Variants in CHRD observed in about 807,000 individuals in gnomAD.
CHRD encodes the protein chordin.
Under a neutral mutation model 113.7 loss-of-function variants are expected in CHRD, and 69 were observed. The observed-to-expected ratio is 0.61, with a 90% CI of 0.50 to 0.74. The LOEUF (loss-of-function observed/expected upper bound fraction) is 0.74. Among genes scored for constraint, CHRD ranks in the 30% least tolerant of loss-of-function variants. The pLI is 0.00. For synonymous variants in CHRD, 561 were observed against 540.8 expected, an observed-to-expected ratio of 1.04 and a Z score of -0.52; for missense variants, 1,194 against 1,295.8, an observed-to-expected ratio of 0.92 and a Z score of 1.21.
chr3:184,383,250 T>C (rs1715755395), intron 10 of CHRD, 62 bp from the exon 11 acceptor site: 4 of 1,592,380 alleles, frequency 2.5e-6, no homozygotes, highest in Admixed American at 3.4e-5. Flanking sequence ...AGAGATCCTG[T>C]GGACTGGGGG....
In CHRD at chr3:184,381,305, C is replaced by T. The variant is rs771653468; in HGVS notation, c.323C>T (p.Thr108Ile). 3.1e-6 allele frequency: 5 copies of T among 1,611,312 alleles called. No individual in the cohort carries two copies. The highest frequency in any genetic ancestry group is 4.5e-5 in the East Asian group (2 of 44,814). The change falls in exon 3 of 23, where the codon ACC becomes ATC. Residue 108 changes from threonine (T) to isoleucine (I), a missense_variant. Thr to Ile is a moderately conservative substitution (Grantham distance 89). Coordinates refer to ENST00000204604, the Ensembl canonical transcript of CHRD. This position sits in a 1 kb window ranked among gnomAD's most constrained non-coding sequence, Gnocchi z 4.7. The stretch of plus-strand genomic sequence containing the variant: ...AAGAACATCAAACCAGAGTGCCCAA[C>T]CCCGGCCTGTGGGCAGCCGCGCCAG...
chr3:184,381,198 T>C lies in CHRD; in HGVS notation c.253-37T>C. On this transcript the variant is annotated intron_variant, in intron 2 of 22. Transcript: ENST00000204604. The surrounding 1 kb of genome is among the most constrained non-coding windows in gnomAD (Gnocchi z 4.7). ...GGGGGGGTCTCATCAGTTGGCATCT[T>C]GCACTCACTTGGGTTTCCCGCCTTT... The C allele has an allele frequency of 6.2e-7, 1 of 1,611,974 alleles. No homozygotes were observed. The highest frequency in any genetic ancestry group is 8.5e-7 in the Non-Finnish European group (1 of 1,179,676).
At chr3:184,383,819 C>T (rs1021993562) in intron 12 of CHRD, among the ~76,000 whole-genome samples, 177 bp downstream of exon 12, 16 of 149,420 alleles carry the variant, frequency 1.1e-4, no homozygotes, top group African/African-American at 3.7e-4. Flanking sequence ...GCTCTGTCAC[C>T]AGGCTGGAGT....
At chr3:184,389,414 G>A (rs1167220187) in exon 23 of CHRD, 2 of 1,613,588 alleles carry the variant, frequency 1.2e-6, no homozygotes, top group East Asian at 2.2e-5. Context: ...AGAAGCCGAA[G>A]GCTCTTAGGG....
Position 184,380,944 on chromosome 3 carries a change from T to A in CHRD, c.252+149T>A. ...TGGTGGAGGAAGGGGAATCAGCCCCTCCAATTCTTAGGTGCTGTTACTGAT... is the reference window on the plus strand; with the variant it reads ...TGGTGGAGGAAGGGGAATCAGCCCCACCAATTCTTAGGTGCTGTTACTGAT... On this transcript the variant is annotated intron_variant, in intron 2 of 22. Transcript: ENST00000204604. The surrounding 1 kb of genome is among the most constrained non-coding windows in gnomAD (Gnocchi z 6.3). The A allele has an allele frequency of 1.3e-6, 1 of 758,842 alleles. No individual in the cohort carries two copies. Among genetic ancestry groups the A allele is most frequent in the South Asian group, 1.5e-5 (1 of 67,396 alleles). The allele number at this position is 758,842 out of a possible 1,614,324, so 47.0% of individuals were successfully genotyped here.
rs770361082 is a variant in CHRD, at chr3:184,381,123, C to A, written c.253-112C>A. The A allele has an allele frequency of 4.8e-5, 60 of 1,245,640 alleles. No individual in the cohort carries two copies. Among genetic ancestry groups the A allele is most frequent in the Non-Finnish European group, 6.7e-5 (57 of 853,268 alleles). 77.2% of individuals were successfully genotyped at this position (1,245,640 alleles called of 1,614,324 possible). Reference sequence around the variant, plus strand: ...AGATGAAGTAGCTTGTCTAGGGTCACGCAGCTTGTAAGTGGCAGAGCTGGC... The same window carrying A: ...AGATGAAGTAGCTTGTCTAGGGTCAAGCAGCTTGTAAGTGGCAGAGCTGGC... On this transcript the variant is annotated intron_variant, in intron 2 of 22. Coordinates refer to ENST00000204604, the Ensembl canonical transcript of CHRD. The surrounding 1 kb of genome is among the most constrained non-coding windows in gnomAD (Gnocchi z 4.7).
rs1309514858 is a variant in CHRD, at chr3:184,380,461, C to A, written c.143C>A (p.Ala48Glu). ...AAGGAGCCGCTGCCCGTTCGGGGAG[C>A]GGCAGGTAGGTGGGCGCCCGGGGGA... Residue 48 changes from alanine to glutamate, a missense_variant, in exon 1 of 23, where the codon GCG (alanine) becomes GAG (glutamate). Physicochemically the swap from Ala to Glu is moderately radical, Grantham distance 107. Coordinates refer to ENST00000204604, the Ensembl canonical transcript of CHRD. The surrounding 1 kb of genome is among the most constrained non-coding windows in gnomAD (Gnocchi z 6.3). The A allele has an allele frequency of 5.9e-6, 7 of 1,192,582 alleles. No homozygotes were observed. Among genetic ancestry groups the A allele is most frequent in the South Asian group, 2.8e-5 (1 of 35,800 alleles). 73.9% of individuals were successfully genotyped at this position (1,192,582 alleles called of 1,614,324 possible). A position where few individuals can be genotyped will look rare whatever the true frequency, so the allele number is the denominator to read the frequency against.
At position 184,388,686 on chromosome 3, in the gene CHRD, G is replaced by A; in HGVS notation, c.2654G>A (p.Trp885Ter). Residue 885 changes from tryptophan (W) to a stop codon, truncating the protein, a stop_gained, in exon 21 of 23, where the codon TGG (tryptophan) becomes TAG (stop). Coordinates refer to ENST00000204604, the Ensembl canonical transcript of CHRD. LOFTEE classifies it high-confidence loss of function. This position sits in a 1 kb window ranked among gnomAD's most constrained non-coding sequence, Gnocchi z 6.1. ...CAGTGGTTCCCAGAGAGTCAGAGCT[G>A]GCACCCCTCAGTGCCCCCTTTTGGA... 1.2e-6 allele frequency: 2 copies of A among 1,614,036 alleles called. No homozygotes were observed. The highest frequency in any genetic ancestry group is 1.7e-6 in the Non-Finnish European group (2 of 1,180,026).
chr3:184,386,093 G>A, exon 15 of CHRD: 1 of 1,614,240 alleles, frequency 6.2e-7, no homozygotes, highest in Non-Finnish European at 8.5e-7. Flanking sequence ...TGCGGCACCT[G>A]GCAAAAGGCA....
chr3:184,382,439 G>A, exon 7 of CHRD: 1 of 1,614,092 alleles, frequency 6.2e-7, no homozygotes, highest in Non-Finnish European at 8.5e-7. Context: ...GGCTCCTTAG[G>A]GCAGAACAGC....
chr3:184,381,096 A>C lies in CHRD; in HGVS notation c.253-139A>C. 1.0e-6 allele frequency: 1 copy of C among 965,076 alleles called. No individual in the cohort carries two copies. The highest frequency in any genetic ancestry group is 1.7e-6 in the Non-Finnish European group (1 of 603,280). 59.8% of individuals were successfully genotyped at this position (965,076 alleles called of 1,614,324 possible). On this transcript the variant is annotated intron_variant, in intron 2 of 22. Transcript: ENST00000204604. This position sits in a 1 kb window ranked among gnomAD's most constrained non-coding sequence, Gnocchi z 4.7. ...TCCAGACAGGGACCTTGAGGCCCAG[A>C]GAGATGAAGTAGCTTGTCTAGGGTC...
chr3:184,389,558 A>G (rs1319641900), exon 23 of CHRD: 1 of 739,916 alleles, frequency 1.4e-6, no homozygotes, highest in Non-Finnish European at 2.3e-6. Flanking sequence ...TCCCACCCCC[A>G]CTACCTCTGG....
In CHRD at chr3:184,385,111, A is replaced by T. The variant is rs1175464957; in HGVS notation, c.1691A>T (p.His564Leu). 12 of 1,614,002 alleles carry T rather than the reference A, an allele frequency of 7.4e-6. No individual in the cohort carries two copies. The East Asian group carries it at 2.5e-4, about 33-fold the overall frequency. The change falls in exon 14 of 23, where the codon CAC becomes CTC. Residue 564 changes from histidine to leucine, a missense_variant. Coordinates refer to ENST00000204604, the Ensembl canonical transcript of CHRD. The stretch of plus-strand genomic sequence containing the variant: ...TGGCTTTCCTTGGATACCCACTGTC[A>T]CCTGCACTATGAAGTGCTGCTGGCT...
At position 184,380,283 on chromosome 3, in the gene CHRD, C is replaced by T; in HGVS notation, c.-36C>T. 8.7e-7 allele frequency: 1 copy of T among 1,142,914 alleles called. No homozygotes were observed. Among genetic ancestry groups the T allele is most frequent in the Non-Finnish European group, 1.1e-6 (1 of 908,450 alleles). The allele number at this position is 1,142,914 out of a possible 1,614,324, so 70.8% of individuals were successfully genotyped here. ...CTCCCTCCGCCCGCTCCCGCGCCCT[C>T]CTCCCTCCCTCCTCCCCAGCTGTCC... On this transcript the variant is annotated 5_prime_UTR_variant, in exon 1 of 23. Transcript: ENST00000204604. This position sits in a 1 kb window ranked among gnomAD's most constrained non-coding sequence, Gnocchi z 6.3.
intron 7 of CHRD, 24 bp downstream of exon 7, chr3:184,382,554 G>A (rs745576979): frequency 1.2e-5 from 19 of 1,613,088 alleles, no homozygotes; most frequent in East Asian, 2.2e-5. Context: ...AGCCCCGGGC[G>A]TGAAGTTCTG....
exon 16 of CHRD, chr3:184,386,726 G>A (rs751844021): frequency 1.9e-6 from 3 of 1,612,628 alleles, no homozygotes; most frequent in Non-Finnish European, 2.5e-6. Context: ...GCCCAACTAC[G>A]ACCCGCTCTG....
rs1390488204 is a variant in CHRD at position 184,387,148 on chromosome 3, G to A, written c.2347+41G>A. 1.3e-6 allele frequency: 2 copies of A among 1,583,276 alleles called. No homozygotes were observed. The highest frequency in any genetic ancestry group is 1.1e-5 in the South Asian group (1 of 90,416). ...GCGTGCAGGGTGGGAGGCCCCAGAG[G>A]AGCCATTAGGTTGAACCAGGAGGGG... is the stretch of plus-strand genomic sequence containing the variant. On this transcript the variant is annotated intron_variant, in intron 18 of 22. Transcript: ENST00000204604. This position sits in a 1 kb window ranked among gnomAD's most constrained non-coding sequence, Gnocchi z 6.1.
chr3:184,380,874 G>A lies in CHRD; in HGVS notation c.252+79G>A. ...GCGCGGGCGTCGGAGTGGACTCGGA[G>A]CTGCTGAGAAGGAGCCCAGTCGGCA... On this transcript the variant is annotated intron_variant, in intron 2 of 22. Transcript: ENST00000204604. The surrounding 1 kb of genome is among the most constrained non-coding windows in gnomAD (Gnocchi z 6.3). 1.8e-6 allele frequency: 2 copies of A among 1,125,136 alleles called. No homozygotes were observed. 69.7% of individuals were successfully genotyped at this position (1,125,136 alleles called of 1,614,324 possible).
At chr3:184,386,797 A>C (rs1313551826) in intron 16 of CHRD, 42 bp downstream of exon 16, 1 of 1,613,650 alleles carries the variant, frequency 6.2e-7, no homozygotes, top group East Asian at 2.2e-5. Context: ...TGGGATCTGG[A>C]GCAAGGGGCC....
Sources: gnomAD v4.1 joint callset for allele counts (sites outside exome capture counted in the v4.1 genomes callset) on GRCh38, gnomAD v4.1.1 for gene constraint, Gnocchi (gnomAD v3.1) non-coding constraint, MANE v1.5 for transcripts, NCBI Gene and HGNC (gene_info 2026-07-23, HGNC 2026-07-21) for gene names.